APP: variants seen among roughly 807,000 people sequenced by gnomAD.
The protein encoded by APP is amyloid beta precursor protein.
In APP, 31 loss-of-function variants were observed where a neutral mutation model predicts 101.4. The ratio of observed to expected loss-of-function variants is 0.31; its 90% CI spans 0.23 to 0.41. APP has a LOEUF of 0.41. Ranked by LOEUF, APP falls within the 10% of genes least tolerant of loss-of-function variation. The pLI is 1.00. For synonymous variants in APP, 366 were observed against 364.4 expected, an observed-to-expected ratio of 1.00 and a Z score of -0.05; for missense variants, 839 against 1,003.7, an observed-to-expected ratio of 0.84 and a Z score of 2.22.
intron 2 of APP, among the ~76,000 whole-genome samples, chr21:26,095,582 G>A (rs1362580329): frequency 6.6e-6 from 1 of 151,986 alleles, no homozygotes. Context: ...GTACCTATAG[G>A]AAAAAAACAT....
intron 3 of APP, among the ~76,000 whole-genome samples, chr21:26,079,100 T>C (rs940946351): frequency 4.6e-5 from 7 of 151,986 alleles, no homozygotes; most frequent in Admixed American, 3.3e-4. Context: ...TTTATTTGCT[T>C]TGGAAAATGA....
intron 8 of APP, among the ~76,000 whole-genome samples, chr21:25,988,474 G>A (rs974923654): frequency 6.6e-6 from 1 of 152,164 alleles, no homozygotes; most frequent in Non-Finnish European, 1.5e-5. Context: ...GTCTGAGGCG[G>A]GCAGATCACC....
intron 2 of APP, among the ~76,000 whole-genome samples, chr21:26,102,457 A>C (rs1601465329): frequency 6.6e-6 from 1 of 151,960 alleles, no homozygotes; most frequent in East Asian, 1.9e-4. Context: ...AACAATTCTA[A>C]CTTTTAGCCC....
At chr21:26,005,809 T>C (rs1008827066) in intron 6 of APP, among the ~76,000 whole-genome samples, 2 of 152,202 alleles carry the variant, frequency 1.3e-5, no homozygotes, top group African/African-American at 2.4e-5. Flanking sequence ...TAATTACTAT[T>C]ATCACTCAGT....
intron 1 of APP, among the ~76,000 whole-genome samples, chr21:26,118,520 C>A (rs1478991905): frequency 6.6e-6 from 1 of 152,114 alleles, no homozygotes; most frequent in Admixed American, 6.5e-5. Context: ...TCATCTCTTT[C>A]ATTCTGTCTT....
chr21:25,999,980 G>A (rs199608687), intron 7 of APP, 35 bp downstream of exon 7: 59 of 1,610,760 alleles, frequency 3.7e-5, no homozygotes, highest in Non-Finnish European at 4.8e-5. Context: ...CGAGAGAGAC[G>A]AAAGGTGGCC....
At chr21:26,028,558 C>CG (rs2044683805) in intron 5 of APP, among the ~76,000 whole-genome samples, 1 of 151,944 alleles carries the variant, frequency 6.6e-6, no homozygotes, top group African/African-American at 2.4e-5. Flanking sequence ...TGCAGAGACA[C>CG]GGGGATTCAG....
At chr21:25,967,577 T>C (rs868455969) in intron 11 of APP, among the ~76,000 whole-genome samples, 3 of 152,200 alleles carry the variant, frequency 2.0e-5, no homozygotes, top group East Asian at 1.9e-4. Flanking sequence ...AGGCCTACAA[T>C]AGAAAGTTGA....
intron 1 of APP, among the ~76,000 whole-genome samples, chr21:26,129,137 G>T (rs2062741307): frequency 6.6e-6 from 1 of 152,028 alleles, no homozygotes; most frequent in Non-Finnish European, 1.5e-5. Context: ...ATGCCAAAAG[G>T]GTACAAGTCA....
rs770926475 is a variant in APP at position 26,042,128 on chromosome 21, G to GT, written c.662+8871dup. On this transcript the variant is annotated intron_variant, in intron 5 of 17. Coordinates refer to ENST00000346798, the MANE Select transcript of APP (RefSeq NM_000484.4). ...CTTTGCGGCCCTCTAAAGTTGTTAG[G>GT]TTTTTTTTCCTTGAGCATTTAATAT... Among the ~76,000 whole-genome samples, 29 of 151,970 alleles carry GT rather than the reference G, an allele frequency of 1.9e-4. 1 individual carries two copies. The East Asian group carries it at 3.3e-3, about 17-fold the overall frequency.
At chr21:26,009,356 A>G (rs1301965896) in intron 6 of APP, among the ~76,000 whole-genome samples, 1 of 152,154 alleles carries the variant, frequency 6.6e-6, no homozygotes, top group Non-Finnish European at 1.5e-5. Flanking sequence ...TATCTCAAGC[A>G]ACATTAAAAC....
intron 1 of APP, among the ~76,000 whole-genome samples, chr21:26,144,992 A>C (rs970597968): frequency 2.0e-4 from 30 of 152,214 alleles, no homozygotes; most frequent in African/African-American, 7.2e-4. Flanking sequence ...ATACAATAAA[A>C]CGTTCTTTTC....
intron 6 of APP, among the ~76,000 whole-genome samples, chr21:26,014,798 G>C (rs1363277374): frequency 6.6e-6 from 1 of 152,148 alleles, no homozygotes; most frequent in Non-Finnish European, 1.5e-5. Flanking sequence ...ATTCTGCCAA[G>C]GTCAATCACT....
At chr21:26,106,370 T>C (rs2062182929) in intron 2 of APP, among the ~76,000 whole-genome samples, 2 of 152,116 alleles carry the variant, frequency 1.3e-5, no homozygotes, top group African/African-American at 2.4e-5. Context: ...TCTCCATATA[T>C]AAAATACAAA....
intron 1 of APP, among the ~76,000 whole-genome samples, chr21:26,163,057 G>C (rs2063526728): frequency 1.6e-5 from 2 of 128,444 alleles, no homozygotes; most frequent in Non-Finnish European, 1.6e-5. Flanking sequence ...GTGAAACCCT[G>C]TCTCTACTAA....
chr21:25,905,667 G>T (rs1212589472), intron 14 of APP, among the ~76,000 whole-genome samples: 12 of 152,176 alleles, frequency 7.9e-5, no homozygotes, highest in Non-Finnish European at 1.6e-4. Context: ...TTTCAAAAAG[G>T]CTGGCTTCCA....
intron 13 of APP, among the ~76,000 whole-genome samples, chr21:25,916,320 A>C (rs1026780068): frequency 6.6e-6 from 1 of 152,178 alleles, no homozygotes; most frequent in Non-Finnish European, 1.5e-5. Context: ...TTTTAAGAGA[A>C]AAAAAGAGGT....
At chr21:25,986,519 C>T (rs952132123) in intron 8 of APP, among the ~76,000 whole-genome samples, 4 of 152,058 alleles carry the variant, frequency 2.6e-5, no homozygotes, top group East Asian at 3.9e-4. Flanking sequence ...GGAGAAACCC[C>T]GTCTCTACTA....
chr21:26,014,968 T>C (rs984649277), intron 6 of APP, among the ~76,000 whole-genome samples: 3 of 152,236 alleles, frequency 2.0e-5, no homozygotes, highest in African/African-American at 7.2e-5. Context: ...TATCTTGAAA[T>C]GCAGTGGCAT....
Sources: gnomAD v4.1 joint callset for allele counts (sites outside exome capture counted in the v4.1 genomes callset) on GRCh38, gnomAD v4.1.1 for gene constraint, MANE v1.5 for transcripts, NCBI Gene and HGNC (gene_info 2026-07-23, HGNC 2026-07-21) for gene names.